DAGLA: variants seen among roughly 807,000 people sequenced by gnomAD.
The protein encoded by DAGLA is diacylglycerol lipase alpha.
A neutral mutation model predicts 102.6 loss-of-function variants in DAGLA; 22 were observed. The observed-to-expected ratio is 0.21, with a 90% CI of 0.15 to 0.31. DAGLA has a LOEUF of 0.31. Ranked by LOEUF, DAGLA falls within the 10% of genes least tolerant of loss-of-function variation. The probability of loss-of-function intolerance (pLI) is 1.00; values close to 1 mark genes in which losing one functional copy is unlikely to be tolerated. For synonymous variants in DAGLA, 578 were observed against 628.9 expected, an observed-to-expected ratio of 0.92 and a Z score of 1.21; for missense variants, 927 against 1,446.6, an observed-to-expected ratio of 0.64 and a Z score of 5.83.
Position 61,743,591 on chromosome 11 carries a change from C to T in DAGLA, c.2231C>T (p.Pro744Leu), listed in dbSNP as rs763369500. The T allele has an allele frequency of 1.3e-6, 2 of 1,569,624 alleles. No homozygotes were observed. Among genetic ancestry groups the T allele is most frequent in the African/African-American group, 1.4e-5 (1 of 73,690 alleles). ...EGFSEGRLLS[P>L]VVAAAARQDP... ...TTCTCGGAGGGGCGGCTGCTGTCGC[C>T]AGTGGTTGCGGCGGCGGCCCGCCAG... Residue 744 changes from proline to leucine, a missense_variant, in exon 20 of 20, where the codon CCA (proline) becomes CTA (leucine). Transcript: ENST00000257215.
chr11:61,737,333 T>C lies in DAGLA; in HGVS notation c.1514+9T>C. On this transcript the variant is annotated intron_variant, in intron 14 of 19. Coordinates refer to ENST00000257215, the MANE Select transcript of DAGLA (RefSeq NM_006133.3). ...CCAGGGGGCCTGCTGAGGTGAGCCA[T>C]CTGGGGCTTCAGAGTTGGCTGGGGC... 1 of 1,609,448 alleles carries C rather than the reference T, an allele frequency of 6.2e-7. No homozygotes were observed. The highest frequency in any genetic ancestry group is 8.5e-7 in the Non-Finnish European group (1 of 1,179,998).
rs770640616 is a variant in DAGLA at position 61,744,103 on chromosome 11, G to A, written c.2743G>A (p.Glu915Lys). 32 of 1,612,862 alleles carry A rather than the reference G, an allele frequency of 2.0e-5. No homozygotes were observed. In the East Asian group the frequency reaches 3.8e-4, roughly 19 times the overall value. ...CAGTCCTCAGGTGCTGGAATTCGCCGAGTTCATCGACAGCCTCTTCAACCT... is the reference window on the plus strand; with the variant it reads ...CAGTCCTCAGGTGCTGGAATTCGCCAAGTTCATCGACAGCCTCTTCAACCT... ...SPSPQVLEFA[E>K]FIDSLFNLDS... The change falls in exon 20 of 20, where the codon GAG (glutamate) becomes AAG (lysine). Residue 915 changes from glutamate (E) to lysine (K), a missense_variant. This residue lies in a region of DAGLA where 434 missense variants were observed against 503.3 expected (regional missense o/e 0.86). Coordinates refer to ENST00000257215, the MANE Select transcript of DAGLA (RefSeq NM_006133.3).
chr11:61,713,774 G>T (rs189787165), intron 1 of DAGLA, among the ~76,000 whole-genome samples: 204 of 152,294 alleles, frequency 1.3e-3, no homozygotes, highest in African/African-American at 4.8e-3. Flanking sequence ...ACCACTGGGG[G>T]GCCCAGCCTC....
intron 1 of DAGLA, among the ~76,000 whole-genome samples, chr11:61,692,277 G>A (rs933828144): frequency 6.6e-6 from 1 of 152,106 alleles, no homozygotes; most frequent in East Asian, 1.9e-4. Context: ...CATCAGAATC[G>A]CTGGGAGGGG....
intron 16 of DAGLA, among the ~76,000 whole-genome samples, chr11:61,738,538 G>T (rs560017370): frequency 6.6e-6 from 1 of 152,236 alleles, no homozygotes; most frequent in African/African-American, 2.4e-5. Context: ...AGGAGAAAGC[G>T]ATCTGGAGGC....
intron 7 of DAGLA, 36 bp from the exon 8 acceptor site, chr11:61,728,895 C>CAAA: frequency 6.3e-7 from 1 of 1,594,172 alleles, no homozygotes; most frequent in Non-Finnish European, 8.6e-7. Context: ...CGGGCCTGGG[C>CAAA]CAGTGATTGT....
chr11:61,701,646 G>A (rs1285461989), intron 1 of DAGLA, among the ~76,000 whole-genome samples: 3 of 152,184 alleles, frequency 2.0e-5, no homozygotes, highest in Non-Finnish European at 4.4e-5. Flanking sequence ...ACATTCGAGG[G>A]AAGTTGGCAA....
intron 1 of DAGLA, among the ~76,000 whole-genome samples, chr11:61,714,110 A>C (rs2065218094): frequency 6.6e-6 from 1 of 152,168 alleles, no homozygotes; most frequent in Non-Finnish European, 1.5e-5. Context: ...CTAGTTTTAC[A>C]TATAGCAACC....
chr11:61,722,283 T>C (rs1170088329), intron 3 of DAGLA, among the ~76,000 whole-genome samples: 1 of 152,202 alleles, frequency 6.6e-6, no homozygotes, highest in African/African-American at 2.4e-5. Flanking sequence ...GATTCTGAGA[T>C]CCTGATAGAA....
Position 61,735,846 on chromosome 11 carries a change from T to C in DAGLA, c.1290+30T>C, listed in dbSNP as rs529217891. 11 of 1,576,590 alleles carry C rather than the reference T, an allele frequency of 7.0e-6. No homozygotes were observed. In the East Asian group the frequency reaches 2.3e-4, roughly 33 times the overall value. The stretch of plus-strand genomic sequence containing the variant: ...CCCACGTCATGGACCCCAGGGCCCC[T>C]GGGCTTCTTTCCTGCCCTGCCAGTG... On this transcript the variant is annotated intron_variant, in intron 12 of 19. Coordinates refer to ENST00000257215, the MANE Select transcript of DAGLA (RefSeq NM_006133.3).
At chr11:61,741,037 T>G in intron 18 of DAGLA, 125 bp from the exon 19 acceptor site, 3 of 882,044 alleles carry the variant, frequency 3.4e-6, no homozygotes, top group East Asian at 2.6e-5. Flanking sequence ...AGGAGGAGAG[T>G]GGGACCCAAG....
chr11:61,726,572 GC>G (rs2065328994), intron 6 of DAGLA, among the ~76,000 whole-genome samples: 1 of 152,212 alleles, frequency 6.6e-6, no homozygotes, highest in South Asian at 2.1e-4. Flanking sequence ...GCTGGGGGCG[GC>G]CCCCAAGGGG....
At chr11:61,722,710 G>A in intron 3 of DAGLA, 149 bp from the exon 4 acceptor site, 2 of 650,050 alleles carry the variant, frequency 3.1e-6, no homozygotes, top group Non-Finnish European at 5.4e-6. Flanking sequence ...GAGGCGGGGG[G>A]TGGGGGGTCT....
intron 15 of DAGLA, 47 bp downstream of exon 15, chr11:61,737,802 C>CCTCCTCCAGGCCT: frequency 1.3e-6 from 2 of 1,533,462 alleles, no homozygotes. Context: ...GCTGTTCCTC[C>CCTCCTCCAGGCCT]CTCCTCCAGG....
chr11:61,703,593 C>A (rs1012934607), intron 1 of DAGLA, among the ~76,000 whole-genome samples: 4 of 152,094 alleles, frequency 2.6e-5, no homozygotes, highest in Non-Finnish European at 4.4e-5. Flanking sequence ...GCTGGCAGGC[C>A]AACGTAAGAG....
At position 61,734,450 on chromosome 11, in the gene DAGLA, G is replaced by T. The variant is rs1199039755; in HGVS notation, c.975-399G>T. On this transcript the variant is annotated intron_variant, in intron 9 of 19. Transcript: ENST00000257215. The surrounding 1 kb of genome is among the most constrained non-coding windows in gnomAD (Gnocchi z 4.2). ...AGCATCTGGGTGTTGGGGCAGGCCT[G>T]GGGTGGATTCCTGAGCATGCAGATG... Among the ~76,000 whole-genome samples, 2 of 152,108 alleles carry T rather than the reference G, an allele frequency of 1.3e-5. No individual in the cohort carries two copies. The highest frequency in any genetic ancestry group is 2.9e-5 in the Non-Finnish European group (2 of 68,020).
At chr11:61,685,704 G>A (rs949695011) in intron 1 of DAGLA, among the ~76,000 whole-genome samples, 3 of 152,216 alleles carry the variant, frequency 2.0e-5, no homozygotes, top group African/African-American at 7.2e-5. Flanking sequence ...AGTGACTCGA[G>A]CCAGGGAGGT....
chr11:61,711,658 T>A (rs1359197278), intron 1 of DAGLA, among the ~76,000 whole-genome samples: 6 of 152,268 alleles, frequency 3.9e-5, no homozygotes, highest in Non-Finnish European at 8.8e-5. Flanking sequence ...TCCCAGGGAG[T>A]TGGCTGGTGT....
chr11:61,736,598 A>T (rs2065424859), intron 13 of DAGLA, among the ~76,000 whole-genome samples: 1 of 152,248 alleles, frequency 6.6e-6, no homozygotes, highest in Non-Finnish European at 1.5e-5. Flanking sequence ...CACAAAGATG[A>T]TTCAGGGCAG....
Sources: allele counts gnomAD v4.1 joint callset (sites outside exome capture counted in the v4.1 genomes callset), GRCh38; gene constraint gnomAD v4.1.1; regional missense constraint gnomAD v4.1.1; non-coding constraint Gnocchi (gnomAD v3.1); transcripts MANE v1.5; gene names NCBI Gene and HGNC (gene_info 2026-07-23, HGNC 2026-07-21).